The following VPS33A variants were observed in gnomAD, a reference collection of about 807,000 sequenced individuals.
The protein encoded by VPS33A is VPS33A core subunit of CORVET and HOPS complexes.
Under a neutral mutation model 71.8 loss-of-function variants are expected in VPS33A, and 32 were observed. The observed-to-expected ratio is 0.45, with a 90% CI of 0.34 to 0.60. The LOEUF (loss-of-function observed/expected upper bound fraction) is 0.60, where lower values mean the gene tolerates loss of function less well. VPS33A is among the 20% of genes least tolerant of loss of function. The pLI is 0.02. For missense variants in VPS33A, 625 were observed against 748.5 expected (o/e 0.84, Z 1.92); for synonymous variants, 311 against 292.7 (o/e 1.06, Z -0.64).
chr12:122,256,391 T>C (rs1350825675), intron 4 of VPS33A, among the ~76,000 whole-genome samples: 2 of 151,792 alleles, frequency 1.3e-5, no homozygotes, highest in Non-Finnish European at 1.5e-5. Context: ...CTGGCCAACA[T>C]GGTGAAACCC....
intron 9 of VPS33A, 84 bp from the exon 10 acceptor site, chr12:122,238,808 A>C (rs1954667628): frequency 3.2e-6 from 3 of 934,338 alleles, no homozygotes; most frequent in Non-Finnish European, 3.0e-6. Flanking sequence ...CACACACACA[A>C]TACATGGTTT....
At chr12:122,253,506 TTG>T in intron 4 of VPS33A, 1 of 152,286 alleles carries the variant, frequency 6.6e-6, no homozygotes, top group South Asian at 2.0e-4. Context: ...TGAGCTGAGA[TTG>T]TGCCACTGCA....
intron 1 of VPS33A, among the ~76,000 whole-genome samples, chr12:122,266,043 G>A (rs1281387039): frequency 6.6e-6 from 1 of 152,222 alleles, no homozygotes; most frequent in Non-Finnish European, 1.5e-5. Flanking sequence ...ACGTAAACCA[G>A]CTCATCAGCT....
chr12:122,263,459 C>T (rs1768313062), intron 3 of VPS33A, 113 bp downstream of exon 3: 6 of 1,338,864 alleles, frequency 4.5e-6, no homozygotes, highest in South Asian at 1.9e-5. Flanking sequence ...CTCAGTTTTC[C>T]AAAAGACCAC....
Position 122,242,323 on chromosome 12 carries a change from T to A in VPS33A, c.1096+59A>T, listed in dbSNP as rs1954725485. The A allele has an allele frequency of 6.3e-6, 10 of 1,586,708 alleles. No homozygotes were observed. The South Asian group carries it at 1.1e-4, about 18-fold the overall frequency. On this transcript the variant is annotated intron_variant, in intron 8 of 12. Coordinates refer to ENST00000267199, the MANE Select transcript of VPS33A (RefSeq NM_022916.6). ...CATTGTGGTGTTGATGACCTAGGTG[T>A]CAAACGTTGTATGTGCAAGTAGCCC...
intron 8 of VPS33A, among the ~76,000 whole-genome samples, chr12:122,240,628 G>A (rs929919341): frequency 2.6e-5 from 4 of 152,130 alleles, no homozygotes; most frequent in Non-Finnish European, 5.9e-5. Flanking sequence ...CTGATTTTCC[G>A]ATAACTGTGA....
intron 7 of VPS33A, among the ~76,000 whole-genome samples, chr12:122,243,349 C>T (rs1164236526): frequency 2.0e-5 from 3 of 152,124 alleles, no homozygotes; most frequent in Non-Finnish European, 4.4e-5. Context: ...AGGCTCCTAC[C>T]TCAGCCTCCC....
Position 122,266,370 on chromosome 12 carries a change from G to A in VPS33A, c.39C>T (p.Asn13=). ...CGCGACGCACCGCCTCGCGCAACACGTTTAGGTTCACTCGGCCGTAGGACA... is the reference window on the plus strand; with the variant it reads ...CGCGACGCACCGCCTCGCGCAACACATTTAGGTTCACTCGGCCGTAGGACA... ...AHLSYGRVNL[N]VLREAVRREL... The change falls in exon 1 of 13, where the codon AAC becomes AAT. Residue 13 remains asparagine, a synonymous_variant. Coordinates refer to ENST00000267199, the MANE Select transcript of VPS33A (RefSeq NM_022916.6). The A allele has an allele frequency of 1.2e-6, 2 of 1,613,642 alleles. No homozygotes were observed. Among genetic ancestry groups the A allele is most frequent in the Non-Finnish European group, 1.7e-6 (2 of 1,179,948 alleles).
intron 6 of VPS33A, among the ~76,000 whole-genome samples, chr12:122,247,542 T>C (rs1406292338): frequency 1.3e-5 from 2 of 152,214 alleles, no homozygotes; most frequent in Non-Finnish European, 2.9e-5. Context: ...TACAATCTTA[T>C]CACTAAAGAC....
In VPS33A at chr12:122,259,292, T is replaced by G. The variant is rs557584611; in HGVS notation, c.483+1969A>C. 2.0e-5 allele frequency among the ~76,000 whole-genome samples: 3 copies of G among 152,038 alleles called. No individual in the cohort carries two copies. The South Asian group carries it at 6.2e-4, about 32-fold the overall frequency. ...TGGAGTGCAATGGCGTGATCTCAGC[T>G]CACTGTAACCTCCACCTCCCAGGTT... On this transcript the variant is annotated intron_variant, in intron 4 of 12. Coordinates refer to ENST00000267199, the MANE Select transcript of VPS33A (RefSeq NM_022916.6).
intron 11 of VPS33A, 28 bp from the exon 12 acceptor site, chr12:122,232,996 C>G: frequency 6.4e-7 from 1 of 1,557,906 alleles, no homozygotes; most frequent in Non-Finnish European, 8.7e-7. Flanking sequence ...AACAAAAACC[C>G]TATAGATACA....
chr12:122,265,008 G>A (rs1224365215), intron 1 of VPS33A, among the ~76,000 whole-genome samples: 2 of 145,526 alleles, frequency 1.4e-5, no homozygotes, highest in African/African-American at 5.2e-5. Context: ...CTGCAGCCTC[G>A]ATTTCCTGGG....
chr12:122,266,204 C>A, intron 1 of VPS33A, 103 bp downstream of exon 1: 1 of 1,486,076 alleles, frequency 6.7e-7, no homozygotes, highest in Non-Finnish European at 9.0e-7. Context: ...TCCTTGGAAG[C>A]CCCAAGGACC....
chr12:122,255,501 C>T (rs12814516), intron 4 of VPS33A, among the ~76,000 whole-genome samples: 33,683 of 151,930 alleles, frequency 0.22, 4,864 homozygotes, highest in East Asian at 0.62. Flanking sequence ...GTCAGGAGTT[C>T]GAGACCAGCC....
chr12:122,261,082 G>C (rs1388168754), intron 4 of VPS33A, among the ~76,000 whole-genome samples, 179 bp downstream of exon 4: 2 of 152,162 alleles, frequency 1.3e-5, no homozygotes, highest in African/African-American at 4.8e-5. Flanking sequence ...AATATACAAA[G>C]AATTACTCAA....
At chr12:122,265,869 A>G in intron 1 of VPS33A, 1 of 366,564 alleles carries the variant, frequency 2.7e-6, no homozygotes, top group South Asian at 1.9e-5. Flanking sequence ...AATGATTACA[A>G]CTTCTCTCAT....
At chr12:122,265,597 C>T (rs1359374339) in intron 1 of VPS33A, 2 of 349,288 alleles carry the variant, frequency 5.7e-6, no homozygotes, top group Non-Finnish European at 1.2e-5. Flanking sequence ...ATGATGTAGA[C>T]TGCTTTCTTC....
At chr12:122,250,406 A>G (rs1187721214) in intron 5 of VPS33A, among the ~76,000 whole-genome samples, 2 of 152,218 alleles carry the variant, frequency 1.3e-5, no homozygotes, top group Non-Finnish European at 2.9e-5. Flanking sequence ...GTTTCTGTCA[A>G]TTGATCAATA....
At chr12:122,250,850 A>G (rs1566046349) in intron 5 of VPS33A, 133 bp downstream of exon 5, 3 of 693,034 alleles carry the variant, frequency 4.3e-6, no homozygotes, top group Non-Finnish European at 7.6e-6. Context: ...TTTAATCAGT[A>G]GGCAAATTCA....
Sources: gnomAD v4.1 joint callset for allele counts (sites outside exome capture counted in the v4.1 genomes callset) on GRCh38, gnomAD v4.1.1 for gene constraint, MANE v1.5 for transcripts, NCBI Gene and HGNC (gene_info 2026-07-23, HGNC 2026-07-21) for gene names.